The following RBFOX1 variants were observed in gnomAD, a reference collection of about 807,000 sequenced individuals.
RBFOX1 encodes the protein RNA binding protein fox-1 homolog 1.
A neutral mutation model predicts 57.7 loss-of-function variants in RBFOX1; 8 were observed. The ratio of observed to expected loss-of-function variants is 0.14; its 90% CI spans 0.08 to 0.25. The LOEUF is 0.25. Among genes scored for constraint, RBFOX1 ranks in the 10% least tolerant of loss-of-function variants. The pLI is 1.00. For missense variants in RBFOX1, 611 were observed against 548.5 expected, an observed-to-expected ratio of 1.11 and a Z score of -1.14; for synonymous variants, 326 against 222.4, an observed-to-expected ratio of 1.47 and a Z score of -4.15.
intron 3 of RBFOX1, among the ~76,000 whole-genome samples, chr16:6,751,984 C>T (rs1481406852): frequency 5.9e-5 from 9 of 152,102 alleles, no homozygotes; most frequent in Non-Finnish European, 1.3e-4. Context: ...TCAAATCAAG[C>T]ACTTTAATAG....
chr16:6,822,785 T>C (rs903503851), intron 3 of RBFOX1, among the ~76,000 whole-genome samples: 1 of 152,084 alleles, frequency 6.6e-6, no homozygotes, highest in Non-Finnish European at 1.5e-5. Context: ...CAAGCGCGAG[T>C]ATGGTCTGAC....
intron 1 of RBFOX1, among the ~76,000 whole-genome samples, chr16:5,329,640 T>G (rs551529460): frequency 2.7e-4 from 41 of 152,320 alleles, no homozygotes; most frequent in African/African-American, 9.9e-4. Flanking sequence ...AAAATAACAT[T>G]AATTAGTTAG....
chr16:5,315,399 G>T (rs2064209235), intron 1 of RBFOX1, among the ~76,000 whole-genome samples: 1 of 152,194 alleles, frequency 6.6e-6, no homozygotes, highest in Non-Finnish European at 1.5e-5. Flanking sequence ...TATCTTGCAG[G>T]ATCTAAATCA....
chr16:6,510,494 G>A (rs2096232257), intron 2 of RBFOX1, among the ~76,000 whole-genome samples: 1 of 152,204 alleles, frequency 6.6e-6, no homozygotes, highest in Non-Finnish European at 1.5e-5. Context: ...GTGAGGGACA[G>A]CAGGCACAGA....
chr16:7,199,310 C>T (rs1461531166), intron 4 of RBFOX1, among the ~76,000 whole-genome samples: 1 of 147,250 alleles, frequency 6.8e-6, no homozygotes, highest in African/African-American at 2.5e-5. Flanking sequence ...ATTCAGGATC[C>T]ACTGAGTGTT....
At chr16:6,772,633 G>C (rs929698387) in intron 3 of RBFOX1, among the ~76,000 whole-genome samples, 5 of 147,228 alleles carry the variant, frequency 3.4e-5, no homozygotes, top group Admixed American at 2.7e-4. Context: ...GTGTGAGTGT[G>C]GGGTGCATTT....
At chr16:6,494,782 C>T (rs556988507) in intron 2 of RBFOX1, among the ~76,000 whole-genome samples, 5 of 152,240 alleles carry the variant, frequency 3.3e-5, no homozygotes, top group African/African-American at 1.2e-4. Context: ...CAGTTGCGTA[C>T]AAACTGATAC....
intron 1 of RBFOX1, among the ~76,000 whole-genome samples, chr16:5,289,563 C>G (rs758760656): frequency 2.6e-5 from 4 of 152,160 alleles, no homozygotes; most frequent in Middle Eastern, 3.2e-3. Flanking sequence ...TTCCAATTAC[C>G]TTCACTTCTT....
chr16:7,251,172 C>G (rs1202884075), intron 4 of RBFOX1, among the ~76,000 whole-genome samples: 1 of 152,094 alleles, frequency 6.6e-6, no homozygotes, highest in Non-Finnish European at 1.5e-5. Flanking sequence ...CTCACCAACC[C>G]CAATCCCACC....
intron 4 of RBFOX1, among the ~76,000 whole-genome samples, chr16:7,489,699 G>A (rs1210638755): frequency 6.6e-6 from 1 of 151,162 alleles, no homozygotes; most frequent in East Asian, 1.9e-4. Flanking sequence ...TTTATTTTTT[G>A]TAGAGACCGT....
chr16:6,880,311 C>G (rs1445093881), intron 3 of RBFOX1, among the ~76,000 whole-genome samples: 2 of 152,148 alleles, frequency 1.3e-5, no homozygotes, highest in African/African-American at 4.8e-5. Context: ...GACGAGGCAG[C>G]CAGAGAGACA....
chr16:6,433,333 A>T (rs902457986), intron 2 of RBFOX1, among the ~76,000 whole-genome samples: 2 of 152,250 alleles, frequency 1.3e-5, no homozygotes, highest in African/African-American at 4.8e-5. Context: ...ACTTTTAAAA[A>T]TGGAGCCACT....
chr16:7,332,389 A>G (rs1359583827), intron 4 of RBFOX1, among the ~76,000 whole-genome samples: 1 of 152,212 alleles, frequency 6.6e-6, no homozygotes, highest in Admixed American at 6.5e-5. Context: ...TTATTTACAA[A>G]TTGCCACTTT....
chr16:7,492,741 T>C (rs1033033216), intron 4 of RBFOX1, among the ~76,000 whole-genome samples: 2 of 151,996 alleles, frequency 1.3e-5, no homozygotes, highest in African/African-American at 4.8e-5. Flanking sequence ...AAGCTGACTG[T>C]TTAAAAGCGG....
At chr16:7,064,414 C>G (rs933891607) in intron 4 of RBFOX1, among the ~76,000 whole-genome samples, 3 of 152,090 alleles carry the variant, frequency 2.0e-5, no homozygotes, top group South Asian at 2.1e-4. Context: ...GGTGAGCTGC[C>G]TGCCTCAGCC....
intron 4 of RBFOX1, among the ~76,000 whole-genome samples, chr16:7,412,470 G>A (rs530472912): frequency 6.6e-6 from 1 of 151,078 alleles, no homozygotes; most frequent in South Asian, 2.1e-4. Flanking sequence ...GAAATTCTCT[G>A]TACAAACTTC....
chr16:5,857,282 C>T (rs766361818), intron 3 of RBFOX1, among the ~76,000 whole-genome samples: 1 of 152,204 alleles, frequency 6.6e-6, no homozygotes, highest in East Asian at 1.9e-4. Flanking sequence ...CACTCCAAAA[C>T]AATTACAATA....
intron 4 of RBFOX1, among the ~76,000 whole-genome samples, chr16:7,148,821 C>T (rs544131516): frequency 6.6e-6 from 1 of 152,294 alleles, no homozygotes; most frequent in East Asian, 1.9e-4. Flanking sequence ...CTCAGACAGG[C>T]TCTGAGTATG....
At chr16:6,191,911 A>G (rs985519798) in intron 1 of RBFOX1, among the ~76,000 whole-genome samples, 3 of 152,296 alleles carry the variant, frequency 2.0e-5, no homozygotes, top group East Asian at 1.9e-4. Flanking sequence ...TGTCACTGCT[A>G]AGCTGACATA....
Sources: allele counts gnomAD v4.1 joint callset (sites outside exome capture counted in the v4.1 genomes callset), GRCh38; gene constraint gnomAD v4.1.1; transcripts MANE v1.5; gene names NCBI Gene and HGNC (gene_info 2026-07-23, HGNC 2026-07-21).